UBE4B: variants seen among roughly 807,000 people sequenced by gnomAD.
UBE4B encodes the protein ubiquitination factor E4B.
In UBE4B, 27 loss-of-function variants were observed where a neutral mutation model predicts 148.1. The observed-to-expected ratio is 0.18, with a 90% confidence interval of 0.13 to 0.25. The LOEUF is 0.25. Among genes scored for constraint, UBE4B ranks in the 10% least tolerant of loss-of-function variants. The probability of loss-of-function intolerance (pLI) is 1.00; values close to 1 mark genes in which losing one functional copy is unlikely to be tolerated. For missense variants in UBE4B, 1,170 were observed against 1,662.4 expected, an observed-to-expected ratio of 0.70 and a Z score of 5.15; for synonymous variants, 596 against 619.3, an observed-to-expected ratio of 0.96 and a Z score of 0.56.
intron 19 of UBE4B, 26 bp from the exon 20 acceptor site, chr1:10,149,153 TAATAA>T: frequency 1.3e-6 from 2 of 1,484,520 alleles, no homozygotes; most frequent in Non-Finnish European, 1.8e-6. Flanking sequence ...TAATTTCATT[TAATAA>T]ATTGTCCTTT....
chr1:10,058,302 T>C (rs1297920494), intron 1 of UBE4B, among the ~76,000 whole-genome samples: 1 of 152,134 alleles, frequency 6.6e-6, no homozygotes, highest in Non-Finnish European at 1.5e-5. Flanking sequence ...CAGAAAATGA[T>C]TGGAAAAATG....
chr1:10,105,888 G>A, intron 6 of UBE4B, 144 bp downstream of exon 6: 1 of 968,798 alleles, frequency 1.0e-6, no homozygotes, highest in Non-Finnish European at 1.5e-6. Context: ...TTTAGTCATT[G>A]GAAGTGGAAT....
At chr1:10,083,032 C>T (rs1644710544) in intron 2 of UBE4B, among the ~76,000 whole-genome samples, 1 of 151,978 alleles carries the variant, frequency 6.6e-6, no homozygotes, top group Admixed American at 6.6e-5. Flanking sequence ...TGTATATGTA[C>T]CACACTTTTT....
intron 1 of UBE4B, among the ~76,000 whole-genome samples, chr1:10,069,104 GAGTC>G (rs1363446410): frequency 1.3e-5 from 2 of 152,152 alleles, no homozygotes; most frequent in African/African-American, 4.8e-5. Context: ...ATATTATAGT[GAGTC>G]AGAACATTTA....
At position 10,179,553 on chromosome 1, in the gene UBE4B, C is replaced by T; in HGVS notation, c.3838C>T (p.Leu1280=). The T allele has an allele frequency of 6.2e-7, 1 of 1,613,140 alleles. No homozygotes were observed. Among genetic ancestry groups the T allele is most frequent in the Non-Finnish European group, 8.5e-7 (1 of 1,180,016 alleles). ...CCGGCAGACGCTGACAGAGAGCATG[C>T]TGGAACCAGGTAGAGGAGGGTGCAG... ...FNRQTLTESM[L]EPVPELKEQI... The change falls in exon 27 of 28, where the codon CTG becomes TTG. Residue 1280 remains leucine (L), a synonymous_variant. Transcript: ENST00000343090.
intron 1 of UBE4B, among the ~76,000 whole-genome samples, chr1:10,066,008 C>T (rs1013865893): frequency 2.0e-5 from 3 of 151,490 alleles, no homozygotes; most frequent in Non-Finnish European, 4.4e-5. Context: ...GTGAATATAA[C>T]ATATATCATT....
chr1:10,107,257 C>A (rs565309784), intron 7 of UBE4B: 2 of 1,289,590 alleles, frequency 1.6e-6, no homozygotes, highest in Non-Finnish European at 1.0e-6. Flanking sequence ...CTCTTCCTCG[C>A]ACTTTCTGGG....
chr1:10,164,718 C>T (rs1646220775), intron 23 of UBE4B, among the ~76,000 whole-genome samples: 1 of 152,174 alleles, frequency 6.6e-6, no homozygotes, highest in Non-Finnish European at 1.5e-5. Flanking sequence ...TTCTACCTCC[C>T]ACTGCCCTGG....
intron 4 of UBE4B, among the ~76,000 whole-genome samples, chr1:10,101,773 G>GC (rs1557552754): frequency 6.6e-6 from 1 of 152,040 alleles, no homozygotes; most frequent in Non-Finnish European, 1.5e-5. Flanking sequence ...TTCCCAAAGT[G>GC]TGGGATTACA....
chr1:10,167,483 A>G (rs754807030), intron 23 of UBE4B, among the ~76,000 whole-genome samples: 71 of 143,558 alleles, frequency 4.9e-4, no homozygotes, highest in Non-Finnish European at 7.6e-4. Context: ...ATGACTAAGT[A>G]AAAGTTATTA....
intron 1 of UBE4B, among the ~76,000 whole-genome samples, chr1:10,041,926 C>G (rs1038954558): frequency 6.6e-6 from 1 of 152,094 alleles, no homozygotes; most frequent in African/African-American, 2.4e-5. Context: ...AACTCCTGAC[C>G]TCAAATGATC....
At chr1:10,150,566 G>T (rs1450336889) in intron 20 of UBE4B, among the ~76,000 whole-genome samples, 3 of 152,174 alleles carry the variant, frequency 2.0e-5, no homozygotes, top group African/African-American at 7.2e-5. Context: ...GTTACAGTGT[G>T]AATAGTCACT....
intron 25 of UBE4B, among the ~76,000 whole-genome samples, chr1:10,175,877 G>A (rs1646422247): frequency 6.6e-6 from 1 of 152,034 alleles, no homozygotes; most frequent in Non-Finnish European, 1.5e-5. Flanking sequence ...ATTTAAAAGT[G>A]TACCATTTTG....
intron 1 of UBE4B, among the ~76,000 whole-genome samples, chr1:10,068,029 G>T (rs1288852086): frequency 1.5e-5 from 2 of 136,526 alleles, no homozygotes; most frequent in Non-Finnish European, 3.2e-5. Context: ...TGCCTGGCCA[G>T]TTTTTTTTTT....
chr1:10,093,545 GT>G (rs1644882156), intron 2 of UBE4B, among the ~76,000 whole-genome samples: 1 of 152,072 alleles, frequency 6.6e-6, no homozygotes, highest in African/African-American at 2.4e-5. Flanking sequence ...ATGGATAAAT[GT>G]TTTATAATAT....
chr1:10,042,237 G>C (rs1643800494), intron 1 of UBE4B, among the ~76,000 whole-genome samples: 1 of 152,212 alleles, frequency 6.6e-6, no homozygotes, highest in Admixed American at 6.5e-5. Context: ...GTAGTATCTA[G>C]TGGAAATGTC....
chr1:10,126,930 A>G (rs1645509871), intron 11 of UBE4B, 53 bp downstream of exon 11: 1 of 1,477,494 alleles, frequency 6.8e-7, no homozygotes, highest in Admixed American at 1.8e-5. Context: ...TTTCTTTCAG[A>G]TTATTTTGAC....
chr1:10,103,632 G>GTTTTTT (rs1186811301), intron 5 of UBE4B, among the ~76,000 whole-genome samples: 26 of 106,492 alleles, frequency 2.4e-4, no homozygotes, highest in Non-Finnish European at 3.1e-4. Context: ...TTTTGTTTTT[G>GTTTTTT]TTTTTTTTTT....
At chr1:10,108,823 A>G (rs781502653) in intron 7 of UBE4B, among the ~76,000 whole-genome samples, 9 of 152,160 alleles carry the variant, frequency 5.9e-5, no homozygotes, top group Non-Finnish European at 1.2e-4. Context: ...ATAAAATCCT[A>G]TTGCATGATT....
Sources: allele counts gnomAD v4.1 joint callset (sites outside exome capture counted in the v4.1 genomes callset), GRCh38; gene constraint gnomAD v4.1.1; transcripts MANE v1.5; gene names NCBI Gene and HGNC (gene_info 2026-07-23, HGNC 2026-07-21).